The following NINL variants were observed in gnomAD, a reference collection of about 807,000 sequenced individuals.
The protein encoded by NINL is ninein-like protein.
In NINL, 153 loss-of-function variants were observed where a neutral mutation model predicts 160.3. The ratio of observed to expected loss-of-function variants is 0.95; its 90% CI spans 0.84 to 1.09. The LOEUF (loss-of-function observed/expected upper bound fraction) is 1.09. NINL is among the 50% of genes least tolerant of loss of function. The pLI, the probability that NINL is intolerant of heterozygous loss-of-function variation, is 0.00. For synonymous variants in NINL, 800 were observed against 734.8 expected (o/e 1.09, Z -1.43); for missense variants, 1,829 against 1,764.0 (o/e 1.04, Z -0.66).
intron 1 of NINL, among the ~76,000 whole-genome samples, chr20:25,529,597 T>C (rs1341967879): frequency 1.3e-5 from 2 of 151,970 alleles, no homozygotes. Context: ...ATGGTAACAA[T>C]GAAAATGGAC....
In NINL at chr20:25,453,336, T is replaced by C; in HGVS notation, c.*115A>G. ...AACTATCTGCGGGGTGAACAAAGAA[T>C]CCCAATCCTCAGATGTCCCAGGACT... is the stretch of plus-strand genomic sequence containing the variant. On this transcript the variant is annotated 3_prime_UTR_variant, in exon 24 of 24. Coordinates refer to ENST00000278886, the MANE Select transcript of NINL (RefSeq NM_025176.6). 1.1e-6 allele frequency: 1 copy of C among 905,126 alleles called. No homozygotes were observed. Among genetic ancestry groups the C allele is most frequent in the Non-Finnish European group, 1.7e-6 (1 of 601,824 alleles). 56.1% of individuals were successfully genotyped at this position (905,126 alleles called of 1,614,324 possible). A position where few individuals can be genotyped will look rare whatever the true frequency, so the allele number is the denominator to read the frequency against.
chr20:25,482,867 T>C (rs968610365), intron 13 of NINL, among the ~76,000 whole-genome samples: 7 of 151,478 alleles, frequency 4.6e-5, no homozygotes, highest in Admixed American at 1.3e-4. Context: ...CTACTAAAAA[T>C]ACAAAAATTA....
intron 1 of NINL, among the ~76,000 whole-genome samples, chr20:25,561,157 C>G (rs922407215): frequency 6.6e-6 from 1 of 152,154 alleles, no homozygotes; most frequent in Non-Finnish European, 1.5e-5. Flanking sequence ...CTGCCTCAGC[C>G]TGCCGAGTGC....
At chr20:25,485,303 C>G (rs2063485090) in intron 13 of NINL, among the ~76,000 whole-genome samples, 1 of 152,164 alleles carries the variant, frequency 6.6e-6, no homozygotes, top group South Asian at 2.1e-4. Context: ...AATAAAAGCC[C>G]TCGCTTGTGG....
intron 1 of NINL, among the ~76,000 whole-genome samples, chr20:25,561,602 G>C (rs933690716): frequency 5.9e-5 from 9 of 151,390 alleles, no homozygotes; most frequent in African/African-American, 2.2e-4. Flanking sequence ...ACCTCTTCCC[G>C]GCCACCATCC....
intron 1 of NINL, among the ~76,000 whole-genome samples, chr20:25,579,521 C>T (rs578023348): frequency 4.3e-4 from 66 of 152,290 alleles, no homozygotes; most frequent in African/African-American, 1.5e-3. Flanking sequence ...GCTCACACAG[C>T]CCCCACGGAC....
chr20:25,491,290 T>C, intron 11 of NINL, 61 bp downstream of exon 11: 2 of 1,530,962 alleles, frequency 1.3e-6, no homozygotes, highest in South Asian at 1.2e-5. Flanking sequence ...CAGGATGACG[T>C]GGGTGTGGGG....
chr20:25,572,006 C>T (rs1331673766), intron 1 of NINL, among the ~76,000 whole-genome samples: 2 of 151,596 alleles, frequency 1.3e-5, no homozygotes, highest in Non-Finnish European at 2.9e-5. Flanking sequence ...AACATGCAGA[C>T]ACCTGTCTAT....
At chr20:25,460,242 GC>G (rs1249668647) in intron 21 of NINL, among the ~76,000 whole-genome samples, 1 of 152,202 alleles carries the variant, frequency 6.6e-6, no homozygotes, top group Non-Finnish European at 1.5e-5. Context: ...CTCTTAGGGA[GC>G]CCCATCTGCC....
At chr20:25,539,962 G>A (rs2064633852) in intron 1 of NINL, 16 of 1,171,684 alleles carry the variant, frequency 1.4e-5, no homozygotes, top group Non-Finnish European at 1.8e-5. Flanking sequence ...CCAGGCCTGC[G>A]CAGGCGCCTC....
At chr20:25,526,708 C>T (rs1026392470) in intron 1 of NINL, 110 bp from the exon 2 acceptor site, 35 of 1,169,386 alleles carry the variant, frequency 3.0e-5, no homozygotes, top group Non-Finnish European at 4.0e-5. Flanking sequence ...GACGCAGGAG[C>T]TGGCATGTGG....
At chr20:25,513,109 G>T in intron 3 of NINL, 103 bp from the exon 4 acceptor site, 1 of 1,211,396 alleles carries the variant, frequency 8.3e-7, no homozygotes, top group Non-Finnish European at 1.2e-6. Context: ...AGCACCGAGT[G>T]TGCCCCTCAA....
At chr20:25,490,887 C>A (rs770028028) in intron 11 of NINL, among the ~76,000 whole-genome samples, 1 of 151,896 alleles carries the variant, frequency 6.6e-6, no homozygotes, top group Non-Finnish European at 1.5e-5. Flanking sequence ...ACCTCTGTCC[C>A]GCTGCGATGC....
chr20:25,476,924 G>C lies in NINL; in HGVS notation c.2367C>G (p.Pro789=), dbSNP rs577554820. Residue 789 remains proline (P), a synonymous_variant, in exon 17 of 24, where the codon CCC becomes CCG. Transcript: ENST00000278886. ...LELERALKLQ[P]CASEKRAQMC... is the part of the protein sequence containing the mutation. ...TCTGGGCGCGCTTCTCGCTCGCACAGGGCTGCAGCTTCAGTGCCCTCTCCA... is the reference window on the plus strand; with the variant it reads ...TCTGGGCGCGCTTCTCGCTCGCACACGGCTGCAGCTTCAGTGCCCTCTCCA... 3.7e-6 allele frequency: 6 copies of C among 1,612,446 alleles called. No individual in the cohort carries two copies. The Admixed American group carries it at 1.0e-4, about 27-fold the overall frequency.
rs530037432 is a variant in NINL, at chr20:25,497,463, C to T, written c.1170-660G>A. ...TTCTATCTGCAGAGCTGCCTGAGGC[C>T]AGAGGCGGCTCCGCTGTCTGCACCT... On this transcript the variant is annotated intron_variant, in intron 9 of 23. Transcript: ENST00000278886. 2.2e-4 allele frequency among the ~76,000 whole-genome samples: 34 copies of T among 152,344 alleles called. No homozygotes were observed. In the East Asian group the frequency reaches 6.4e-3, roughly 29 times the overall value.
intron 1 of NINL, among the ~76,000 whole-genome samples, chr20:25,575,136 C>T (rs959852043): frequency 2.0e-5 from 3 of 152,144 alleles, no homozygotes; most frequent in Non-Finnish European, 4.4e-5. Flanking sequence ...TTCTGAAAAA[C>T]TTTCAAATGT....
intron 23 of NINL, 137 bp from the exon 24 acceptor site, chr20:25,453,779 A>G (rs2090596308): frequency 4.2e-6 from 3 of 720,492 alleles, no homozygotes; most frequent in East Asian, 2.9e-5. Flanking sequence ...GGCCGGGGGC[A>G]GTGGTTCACG....
chr20:25,501,030 C>G lies in NINL; in HGVS notation c.862-20G>C, dbSNP rs2063858139. The G allele has an allele frequency of 1.7e-5, 27 of 1,610,400 alleles. No homozygotes were observed. The highest frequency in any genetic ancestry group is 2.3e-5 in the Non-Finnish European group (27 of 1,178,260). On this transcript the variant is annotated intron_variant, in intron 7 of 23. Coordinates refer to ENST00000278886, the MANE Select transcript of NINL (RefSeq NM_025176.6). Reference sequence around the variant, plus strand: ...TGGGACCTGCATGTCAGGAAGACTTCCATAGCGCCCAGCGTCCAAAGCCTC... The same window carrying G: ...TGGGACCTGCATGTCAGGAAGACTTGCATAGCGCCCAGCGTCCAAAGCCTC...
At chr20:25,489,126 A>G in intron 13 of NINL, 118 bp downstream of exon 13, 1 of 1,001,532 alleles carries the variant, frequency 1.0e-6, no homozygotes, top group Non-Finnish European at 1.6e-6. Context: ...ATGGTCAAGC[A>G]TGGCCGCAAG....
Sources: gnomAD v4.1 joint callset for allele counts (sites outside exome capture counted in the v4.1 genomes callset) on GRCh38, gnomAD v4.1.1 for gene constraint, MANE v1.5 for transcripts, NCBI Gene and HGNC (gene_info 2026-07-23, HGNC 2026-07-21) for gene names.